The following VPS26A variants were observed in gnomAD, a reference collection of about 807,000 sequenced individuals.
The protein encoded by VPS26A is VPS26 retromer complex component A.
VPS26A carries 22 observed loss-of-function variants against 42.4 expected under a neutral mutation model. The observed-to-expected ratio is 0.52, with a 90% CI of 0.37 to 0.74. VPS26A has a LOEUF of 0.74. VPS26A is among the 30% of genes least tolerant of loss of function. The probability of loss-of-function intolerance (pLI) is 0.00; values close to 1 mark genes in which losing one functional copy is unlikely to be tolerated. For missense variants in VPS26A, 276 were observed against 379.2 expected, an observed-to-expected ratio of 0.73 and a Z score of 2.26; for synonymous variants, 110 against 123.5, an observed-to-expected ratio of 0.89 and a Z score of 0.73.
intron 2 of VPS26A, among the ~76,000 whole-genome samples, chr10:69,148,819 G>A (rs1029865457): frequency 2.7e-5 from 4 of 147,574 alleles, no homozygotes; most frequent in African/African-American, 5.0e-5. Flanking sequence ...GCAGTGGCAC[G>A]ATCTCAGCTC....
intron 1 of VPS26A, among the ~76,000 whole-genome samples, chr10:69,127,535 A>G (rs1840686399): frequency 6.6e-6 from 1 of 150,970 alleles, no homozygotes; most frequent in Non-Finnish European, 1.5e-5. Context: ...CCTGGGCGAA[A>G]GAGCGAGACT....
chr10:69,143,810 A>G (rs1436724843), intron 2 of VPS26A, among the ~76,000 whole-genome samples: 1 of 152,112 alleles, frequency 6.6e-6, no homozygotes, highest in Non-Finnish European at 1.5e-5. Context: ...TTGACCTCTC[A>G]AGCTCAGGCG....
intron 6 of VPS26A, among the ~76,000 whole-genome samples, chr10:69,164,620 T>C (rs1279205843): frequency 6.6e-6 from 1 of 152,238 alleles, no homozygotes; most frequent in African/African-American, 2.4e-5. Context: ...GTCAGATTTA[T>C]CAGTTTTTCA....
rs10998613 is a variant in VPS26A, at chr10:69,158,479, A to T, written c.551+268A>T. The stretch of plus-strand genomic sequence containing the variant: ...CAGAAGGCAGCCAGTCCTTCTGAGG[A>T]TACAATTTATCTTACTGGCTTGATA... On this transcript the variant is annotated intron_variant, in intron 5 of 8. Transcript: ENST00000263559. Among the ~76,000 whole-genome samples, 363 of 152,162 alleles carry T rather than the reference A, an allele frequency of 2.4e-3. 4 individuals are homozygous for T. The highest frequency in any genetic ancestry group is 8.3e-3 in the African/African-American group (344 of 41,510).
chr10:69,147,886 T>C (rs554329515), intron 2 of VPS26A, among the ~76,000 whole-genome samples: 1 of 152,136 alleles, frequency 6.6e-6, no homozygotes, highest in African/African-American at 2.4e-5. Flanking sequence ...CTAATTTTTA[T>C]ATTTTTTTGT....
chr10:69,169,038 T>C (rs1204535169), intron 8 of VPS26A, among the ~76,000 whole-genome samples: 3 of 151,480 alleles, frequency 2.0e-5, no homozygotes, highest in African/African-American at 7.3e-5. Context: ...GCTTTTTTTT[T>C]TTTCTTACTG....
In VPS26A at chr10:69,132,505, C is replaced by T. The variant is rs142723344; in HGVS notation, c.4-393C>T. Among the ~76,000 whole-genome samples, 974 of 151,040 alleles carry T rather than the reference C, an allele frequency of 6.4e-3. 7 individuals carry two copies. Among genetic ancestry groups the T allele is most frequent in the Non-Finnish European group, 0.01 (707 of 67,870 alleles). ...TTGCCTAGGCTGGAGTGCAATGGCG[C>T]GATCTTGGCTCACTGCAACTTCTGC... On this transcript the variant is annotated intron_variant, in intron 1 of 8. Transcript: ENST00000263559.
chr10:69,163,914 C>T (rs1474342330), intron 6 of VPS26A, among the ~76,000 whole-genome samples: 3 of 151,278 alleles, frequency 2.0e-5, no homozygotes, highest in Admixed American at 1.3e-4. Context: ...TACAGGCGCC[C>T]ACCATCACGC....
chr10:69,159,825 A>G (rs1458096598), intron 5 of VPS26A, among the ~76,000 whole-genome samples: 1 of 152,120 alleles, frequency 6.6e-6, no homozygotes, highest in Non-Finnish European at 1.5e-5. Flanking sequence ...TCAAATCAAT[A>G]TTTAAACTAG....
At chr10:69,160,377 C>T (rs752811931) in intron 5 of VPS26A, among the ~76,000 whole-genome samples, 1 of 151,872 alleles carries the variant, frequency 6.6e-6, no homozygotes, top group Non-Finnish European at 1.5e-5. Flanking sequence ...TCAGGCTGGT[C>T]TCAAACTCCT....
At chr10:69,135,238 T>TATA (rs1840879784) in intron 2 of VPS26A, among the ~76,000 whole-genome samples, 1 of 152,236 alleles carries the variant, frequency 6.6e-6, no homozygotes, top group Non-Finnish European at 1.5e-5. Context: ...GTGTTGATTA[T>TATA]ATAATAGGCT....
rs1456256078 is a variant in VPS26A, at chr10:69,172,122, T to C, written c.*853T>C. 1.3e-5 allele frequency: 2 copies of C among 152,254 alleles called. No individual in the cohort carries two copies. The highest frequency in any genetic ancestry group is 2.9e-5 in the Non-Finnish European group (2 of 68,042). 9.4% of individuals were successfully genotyped at this position (152,254 alleles called of 1,614,324 possible). On this transcript the variant is annotated 3_prime_UTR_variant, in exon 9 of 9. Coordinates refer to ENST00000263559, the MANE Select transcript of VPS26A (RefSeq NM_004896.5). ...TTCAATTTAAGGAATCTTTTTGCCATGTGTATGCAAATATTATTTTCTTCA... is the reference window on the plus strand; with the variant it reads ...TTCAATTTAAGGAATCTTTTTGCCACGTGTATGCAAATATTATTTTCTTCA...
intron 7 of VPS26A, 23 bp downstream of exon 7, chr10:69,166,133 C>G (rs1841683034): frequency 6.2e-7 from 1 of 1,604,358 alleles, no homozygotes; most frequent in Non-Finnish European, 8.5e-7. Context: ...TCAGTTACTT[C>G]TTTTGTATAG....
intron 5 of VPS26A, among the ~76,000 whole-genome samples, chr10:69,160,481 A>G (rs1391092629): frequency 1.5e-5 from 2 of 131,522 alleles, no homozygotes; most frequent in Non-Finnish European, 3.2e-5. Context: ...TTGGAGTCGG[A>G]ATCTCTGTCG....
At chr10:69,126,414 A>C (rs1012240281) in intron 1 of VPS26A, among the ~76,000 whole-genome samples, 1 of 152,142 alleles carries the variant, frequency 6.6e-6, no homozygotes, top group Non-Finnish European at 1.5e-5. Context: ...TCTCAACTAA[A>C]AATAAAAAAA....
chr10:69,142,741 A>G (rs1332819680), intron 2 of VPS26A, among the ~76,000 whole-genome samples: 4 of 108,378 alleles, frequency 3.7e-5, no homozygotes, highest in Non-Finnish European at 9.8e-5. Context: ...CACTATTCAA[A>G]AAAAAAAAAA....
Position 69,157,078 on chromosome 10 carries a change from C to A in VPS26A, c.301C>A (p.Leu101Met), listed in dbSNP as rs959249968. The change falls in exon 4 of 9, where the codon CTG becomes ATG. Residue 101 changes from leucine (L) to methionine (M), a missense_variant. Transcript: ENST00000263559. ...LVKELALPGELTQSRSYDFEF... is the reference protein window; with the variant it reads ...LVKELALPGEMTQSRSYDFEF... ...GAAAGAACTAGCCTTACCTGGAGAA[C>A]TGACTCAGAGCAGAAGTTATGATTT... 1 of 1,613,482 alleles carries A rather than the reference C, an allele frequency of 6.2e-7. No homozygotes were observed.
intron 1 of VPS26A, among the ~76,000 whole-genome samples, chr10:69,126,341 G>T (rs10998589): frequency 0.042 from 6,331 of 152,068 alleles, 463 homozygotes; most frequent in African/African-American, 0.14. Flanking sequence ...GTGTGGTGGC[G>T]CATTGCTGTA....
intron 2 of VPS26A, among the ~76,000 whole-genome samples, chr10:69,142,366 T>A (rs115034504): frequency 0.39 from 25,037 of 64,446 alleles, 2,685 homozygotes; most frequent in Non-Finnish European, 0.55. Flanking sequence ...TTAAAAAAAT[T>A]TTTTTTTTTT....
Sources: gnomAD v4.1 joint callset for allele counts (sites outside exome capture counted in the v4.1 genomes callset) on GRCh38, gnomAD v4.1.1 for gene constraint, MANE v1.5 for transcripts, NCBI Gene and HGNC (gene_info 2026-07-23, HGNC 2026-07-21) for gene names.